The following RPS6KC1 variants were observed in gnomAD, a reference collection of about 807,000 sequenced individuals.
RPS6KC1 encodes ribosomal protein S6 kinase C1.
RPS6KC1 carries 54 observed loss-of-function variants against 103.8 expected under a neutral mutation model. The ratio of observed to expected loss-of-function variants is 0.52; its 90% CI spans 0.42 to 0.65. RPS6KC1 has a LOEUF of 0.65. Among genes scored for constraint, RPS6KC1 ranks in the 30% least tolerant of loss-of-function variants. The probability of loss-of-function intolerance (pLI) is 0.00; values close to 1 mark genes in which losing one functional copy is unlikely to be tolerated. For synonymous variants in RPS6KC1, 439 were observed against 438.7 expected (o/e 1.00, Z -0.01); for missense variants, 1,151 against 1,253.8 (o/e 0.92, Z 1.24).
At chr1:213,161,719 A>C (rs2090490089) in intron 6 of RPS6KC1, among the ~76,000 whole-genome samples, 1 of 152,220 alleles carries the variant, frequency 6.6e-6, no homozygotes, top group African/African-American at 2.4e-5. Context: ...TGATGTATTA[A>C]TACACTAAGT....
At chr1:213,296,652 A>C in the RPS6KC1 span, among the ~76,000 whole-genome samples, 1 of 152,206 alleles carries the variant, frequency 6.6e-6, no homozygotes, top group Non-Finnish European at 1.5e-5. Context: ...GAAGGGTAGT[A>C]TTTCTATAGA....
At chr1:213,432,884 C>T in the RPS6KC1 span, among the ~76,000 whole-genome samples, 1 of 152,016 alleles carries the variant, frequency 6.6e-6, no homozygotes, top group South Asian at 2.1e-4. Flanking sequence ...GTTTATTCAC[C>T]TGTTGATGAA....
the RPS6KC1 span, among the ~76,000 whole-genome samples, chr1:213,852,179 T>C: frequency 6.6e-6 from 1 of 152,156 alleles, no homozygotes; most frequent in East Asian, 1.9e-4. Context: ...TTAAATCACT[T>C]CTGTGCTTAA....
At chr1:213,728,945 TTTG>T in the RPS6KC1 span, among the ~76,000 whole-genome samples, 17,473 of 108,482 alleles carry the variant, frequency 0.16, 3,312 homozygotes, top group Middle Eastern at 0.21. Context: ...GGGTTTTTTT[TTTG>T]TTTTTTTTTT....
chr1:213,248,210 A>C (rs184355524), intron 12 of RPS6KC1, among the ~76,000 whole-genome samples: 1 of 152,206 alleles, frequency 6.6e-6, no homozygotes, highest in East Asian at 1.9e-4. Flanking sequence ...TTTTTTTCCT[A>C]AAACAGAAAG....
chr1:213,182,211 G>A (rs1349182290), intron 8 of RPS6KC1, among the ~76,000 whole-genome samples: 2 of 152,140 alleles, frequency 1.3e-5, no homozygotes, highest in Non-Finnish European at 2.9e-5. Flanking sequence ...TGCTATATAG[G>A]TTGGGTGCAG....
downstream of RPS6KC1, among the ~76,000 whole-genome samples, chr1:213,279,455 T>C (rs182052470): frequency 1.3e-5 from 2 of 152,348 alleles, no homozygotes; most frequent in African/African-American, 2.4e-5. Flanking sequence ...GGAAAACTTA[T>C]ACACTTTTTC....
At chr1:213,753,374 T>C in the RPS6KC1 span, among the ~76,000 whole-genome samples, 1 of 152,076 alleles carries the variant, frequency 6.6e-6, no homozygotes, top group Non-Finnish European at 1.5e-5. Context: ...GGTGATGGAG[T>C]AGCAAGGATA....
At chr1:213,614,472 C>T in the RPS6KC1 span, among the ~76,000 whole-genome samples, 5 of 152,236 alleles carry the variant, frequency 3.3e-5, no homozygotes, top group Admixed American at 1.3e-4. Flanking sequence ...TGTTTTTGCT[C>T]AAAACCAGAA....
chr1:213,178,023 T>G (rs1308823950), intron 8 of RPS6KC1, among the ~76,000 whole-genome samples: 1 of 150,424 alleles, frequency 6.6e-6, no homozygotes, highest in African/African-American at 2.5e-5. Context: ...GGCAACATGG[T>G]GAGACCCTGC....
At chr1:213,816,865 C>T in the RPS6KC1 span, among the ~76,000 whole-genome samples, 298 of 152,276 alleles carry the variant, frequency 2.0e-3, no homozygotes, top group Non-Finnish European at 1.9e-3. Flanking sequence ...TTCTGTGTAT[C>T]CAAGTGCTGT....
the RPS6KC1 span, among the ~76,000 whole-genome samples, chr1:213,317,784 G>C: frequency 6.6e-6 from 1 of 152,256 alleles, no homozygotes; most frequent in Non-Finnish European, 1.5e-5. Context: ...CCTAGTAGTA[G>C]AGTTGTGCCA....
chr1:213,826,558 G>A, the RPS6KC1 span, among the ~76,000 whole-genome samples: 2 of 152,274 alleles, frequency 1.3e-5, no homozygotes, highest in East Asian at 3.9e-4. Context: ...GGAAATGTGG[G>A]ATTTTTTGTT....
At chr1:213,281,244 A>G in the RPS6KC1 span, among the ~76,000 whole-genome samples, 151,859 of 152,378 alleles carry the variant, frequency 1, 75,673 homozygotes, top group South Asian at 1. Flanking sequence ...TCACTTGCGC[A>G]TATACCTGTC....
chr1:213,796,709 A>G, the RPS6KC1 span, among the ~76,000 whole-genome samples: 4 of 152,190 alleles, frequency 2.6e-5, no homozygotes, highest in Non-Finnish European at 4.4e-5. Context: ...ACACAGGCAC[A>G]TTTATCTTCC....
At chr1:213,155,336 C>A (rs2089749962) in intron 6 of RPS6KC1, among the ~76,000 whole-genome samples, 1 of 152,184 alleles carries the variant, frequency 6.6e-6, no homozygotes, top group Admixed American at 6.5e-5. Flanking sequence ...CTACAAGTTG[C>A]AGTCCTTATG....
At chr1:213,541,549 C>T in the RPS6KC1 span, among the ~76,000 whole-genome samples, 14 of 152,094 alleles carry the variant, frequency 9.2e-5, no homozygotes, top group African/African-American at 1.4e-4. Context: ...AGAGGTATTC[C>T]TGTATCCATA....
At chr1:213,201,681 G>C (rs1318243667) in intron 8 of RPS6KC1, among the ~76,000 whole-genome samples, 1 of 152,210 alleles carries the variant, frequency 6.6e-6, no homozygotes, top group Non-Finnish European at 1.5e-5. Flanking sequence ...GTGTGTGTTT[G>C]AGGCCAAAGG....
chr1:213,834,235 G>A, the RPS6KC1 span, among the ~76,000 whole-genome samples: 1 of 152,150 alleles, frequency 6.6e-6, no homozygotes, highest in African/African-American at 2.4e-5. Flanking sequence ...AGGTTTCCCA[G>A]GCTGGTCTCA....
Sources: gnomAD v4.1 joint callset for allele counts (sites outside exome capture counted in the v4.1 genomes callset) on GRCh38, gnomAD v4.1.1 for gene constraint, MANE v1.5 for transcripts, NCBI Gene and HGNC (gene_info 2026-07-23, HGNC 2026-07-21) for gene names.